The following SYCP2 variants were observed in gnomAD, a reference collection of about 807,000 sequenced individuals.
The protein encoded by SYCP2 is synaptonemal complex protein 2.
Under a neutral mutation model 211.3 loss-of-function variants are expected in SYCP2, and 55 were observed. That is an observed-to-expected ratio of 0.26 (90% CI 0.21 to 0.33). The LOEUF is 0.33. Among genes scored for constraint, SYCP2 ranks in the 10% least tolerant of loss-of-function variants. The probability of loss-of-function intolerance (pLI) is 1.00; values close to 1 mark genes in which losing one functional copy is unlikely to be tolerated. For synonymous variants in SYCP2, 570 were observed against 555.2 expected (o/e 1.03, Z -0.37); for missense variants, 1,731 against 1,752.0 (o/e 0.99, Z 0.21).
chr20:59,897,276 C>A lies in SYCP2; in HGVS notation c.1405-748G>T, dbSNP rs147137801. Among the ~76,000 whole-genome samples the A allele has an allele frequency of 3.0e-4, 46 of 151,876 alleles. No homozygotes were observed. In the East Asian group the frequency reaches 8.3e-3, roughly 27 times the overall value. On this transcript the variant is annotated intron_variant, in intron 18 of 44. Coordinates refer to ENST00000357552, the MANE Select transcript of SYCP2 (RefSeq NM_014258.4). ...GTTGTGAGTGGGTATGTATATGAAA[C>A]GTGAGGGAAGGATGGAAAGGATAAG... is the stretch of plus-strand genomic sequence containing the variant.
chr20:59,922,473 C>T lies in SYCP2; in HGVS notation c.-46-14G>A. 2.4e-6 allele frequency: 3 copies of T among 1,232,220 alleles called. No individual in the cohort carries two copies. The highest frequency in any genetic ancestry group is 3.4e-6 in the Non-Finnish European group (3 of 885,146). The allele number at this position is 1,232,220 out of a possible 1,614,324, so 76.3% of individuals were successfully genotyped here. A position where few individuals can be genotyped will look rare whatever the true frequency, so the allele number is the denominator to read the frequency against. On this transcript the variant is annotated splice_polypyrimidine_tract_variant and intron_variant, in intron 2 of 44. Coordinates refer to ENST00000357552, the MANE Select transcript of SYCP2 (RefSeq NM_014258.4). ...CAAAATAAACACCTATAAAAGAAAACATATATTTTCTGTATCTCACAATCT... is the reference window on the plus strand; with the variant it reads ...CAAAATAAACACCTATAAAAGAAAATATATATTTTCTGTATCTCACAATCT...
intron 14 of SYCP2, among the ~76,000 whole-genome samples, chr20:59,910,733 A>T (rs1450576467): frequency 6.6e-6 from 1 of 151,470 alleles, no homozygotes; most frequent in Non-Finnish European, 1.5e-5. Flanking sequence ...GGCTGGTGCA[A>T]AAGTAATTGC....
chr20:59,929,162 C>T (rs1393047700), intron 2 of SYCP2, among the ~76,000 whole-genome samples: 1 of 152,050 alleles, frequency 6.6e-6, no homozygotes, highest in Non-Finnish European at 1.5e-5. Flanking sequence ...AATGAAAATG[C>T]TACCTCCATG....
At chr20:59,882,041 T>A in intron 27 of SYCP2, 39 bp from the exon 28 acceptor site, 2 of 1,606,720 alleles carry the variant, frequency 1.2e-6, no homozygotes, top group Non-Finnish European at 1.7e-6. Context: ...CACTTAAATA[T>A]GTGTAGTCTC....
At chr20:59,899,809 A>T (rs961886325) in intron 18 of SYCP2, among the ~76,000 whole-genome samples, 1 of 152,182 alleles carries the variant, frequency 6.6e-6, no homozygotes, top group Non-Finnish European at 1.5e-5. Flanking sequence ...CATGCAAATA[A>T]ACAGAACATT....
At chr20:59,912,455 G>A (rs1288705243) in intron 12 of SYCP2, 37 bp from the exon 13 acceptor site, 3 of 768,376 alleles carry the variant, frequency 3.9e-6, no homozygotes, top group Non-Finnish European at 6.2e-6. Flanking sequence ...AAATAAATAA[G>A]CTTTCACAGC....
Position 59,896,433 on chromosome 20 carries a change from G to C in SYCP2, c.1500C>G (p.Asn500Lys). Residue 500 changes from asparagine to lysine, a missense_variant, in exon 19 of 45, where the codon AAC (asparagine) becomes AAG (lysine). Asn to Lys is a moderately conservative substitution (Grantham distance 94). Transcript: ENST00000357552. Reference protein sequence around the residue: ...YTMRSPVLFSNTSIPPRRRRI... With the variant: ...YTMRSPVLFSKTSIPPRRRRI... ...TTTTAAAACTATAAAACTTACATGT[G>C]TTGCTGAAAAGCACTGGACTTCTCA... 6.5e-7 allele frequency: 1 copy of C among 1,535,168 alleles called. No homozygotes were observed. Among genetic ancestry groups the C allele is most frequent in the Non-Finnish European group, 8.9e-7 (1 of 1,118,606 alleles).
intron 35 of SYCP2, among the ~76,000 whole-genome samples, chr20:59,870,315 C>T (rs899670594): frequency 6.6e-6 from 1 of 151,604 alleles, no homozygotes; most frequent in Non-Finnish European, 1.5e-5. Flanking sequence ...GCTGTCTATA[C>T]AGAAAAGCCA....
chr20:59,867,193 C>CCAAA (rs1311461326), intron 39 of SYCP2, among the ~76,000 whole-genome samples: 1 of 133,086 alleles, frequency 7.5e-6, no homozygotes, highest in Non-Finnish European at 1.5e-5. Flanking sequence ...ACTATCGATT[C>CCAAA]CAAATAGAGG....
intron 28 of SYCP2, 44 bp downstream of exon 28, chr20:59,881,901 G>A: frequency 6.7e-7 from 1 of 1,492,740 alleles, no homozygotes; most frequent in Non-Finnish European, 9.3e-7. Context: ...TAAATGCAAT[G>A]TAACTTCTGA....
intron 39 of SYCP2, 42 bp from the exon 40 acceptor site, chr20:59,866,631 T>C: frequency 7.5e-7 from 1 of 1,337,730 alleles, no homozygotes; most frequent in Non-Finnish European, 1.0e-6. Context: ...CTTTACAAAA[T>C]AACACTCTAA....
intron 26 of SYCP2, 140 bp downstream of exon 26, chr20:59,885,788 C>T (rs2059776325): frequency 5.7e-6 from 4 of 700,096 alleles, no homozygotes; most frequent in Non-Finnish European, 9.7e-6. Context: ...GCTATTAAAC[C>T]TGTCAGTGGT....
In SYCP2 at chr20:59,887,256, T is replaced by C. The variant is rs193184823; in HGVS notation, c.2365-422A>G. On this transcript the variant is annotated intron_variant, in intron 24 of 44. Coordinates refer to ENST00000357552, the MANE Select transcript of SYCP2 (RefSeq NM_014258.4). ...TACAAGTGAGAACATGCGGTGTTTT[T>C]TTGTCCTTGCAATAGTTTGCTGAGA... is the stretch of plus-strand genomic sequence containing the variant. 1.5e-3 allele frequency among the ~76,000 whole-genome samples: 231 copies of C among 151,492 alleles called. 2 individuals carry two copies. The highest frequency in any genetic ancestry group is 4.8e-3 in the African/African-American group (197 of 41,402).
chr20:59,876,823 A>G (rs2059570251), intron 33 of SYCP2, among the ~76,000 whole-genome samples: 1 of 152,138 alleles, frequency 6.6e-6, no homozygotes, highest in Non-Finnish European at 1.5e-5. Context: ...TTTTTCCCAT[A>G]ATTGGAGTTA....
chr20:59,933,465 T>C (rs1359634974), intron 1 of SYCP2, 104 bp downstream of exon 1: 2 of 150,376 alleles, frequency 1.3e-5, no homozygotes, highest in African/African-American at 4.9e-5. Context: ...GCCTCAACCG[T>C]CGGAAGCTTC....
chr20:59,887,067 A>T (rs935809856), intron 24 of SYCP2, among the ~76,000 whole-genome samples: 3 of 152,142 alleles, frequency 2.0e-5, no homozygotes, highest in Admixed American at 6.6e-5. Flanking sequence ...TTTGTTACAC[A>T]TGTATACATG....
At chr20:59,897,048 T>C (rs983682904) in intron 18 of SYCP2, among the ~76,000 whole-genome samples, 2 of 152,130 alleles carry the variant, frequency 1.3e-5, no homozygotes, top group Admixed American at 6.6e-5. Flanking sequence ...AATCTAGTGG[T>C]TCCAATAAAG....
At chr20:59,877,643 GT>G in intron 32 of SYCP2, 88 bp from the exon 33 acceptor site, 1 of 1,053,984 alleles carries the variant, frequency 9.5e-7, no homozygotes, top group Non-Finnish European at 1.4e-6. Context: ...ACTGTGACAA[GT>G]TTTACATAAA....
intron 9 of SYCP2, 40 bp from the exon 10 acceptor site, chr20:59,915,239 C>A: frequency 7.1e-7 from 1 of 1,411,680 alleles, no homozygotes; most frequent in Non-Finnish European, 9.9e-7. Context: ...AGACCAGTAT[C>A]AATTAAATAG....
Sources: gnomAD v4.1 joint callset for allele counts (sites outside exome capture counted in the v4.1 genomes callset) on GRCh38, gnomAD v4.1.1 for gene constraint, MANE v1.5 for transcripts, NCBI Gene and HGNC (gene_info 2026-07-23, HGNC 2026-07-21) for gene names.